Variants in PSMD11 observed in about 807,000 individuals in gnomAD.
PSMD11 encodes the protein 26S proteasome non-ATPase regulatory subunit 11.
A neutral mutation model predicts 62.3 loss-of-function variants in PSMD11; 5 were observed. The observed-to-expected ratio is 0.08, with a 90% CI of 0.04 to 0.17. The LOEUF is 0.17. Ranked by LOEUF, PSMD11 falls within the 10% of genes least tolerant of loss-of-function variation. The pLI is 1.00. For missense variants in PSMD11, 310 were observed against 512.9 expected, an observed-to-expected ratio of 0.60 and a Z score of 3.82; for synonymous variants, 191 against 191.8, an observed-to-expected ratio of 1.00 and a Z score of 0.03.
chr17:32,456,589 GCA>G (rs1341466037), intron 3 of PSMD11, among the ~76,000 whole-genome samples: 10 of 152,232 alleles, frequency 6.6e-5, no homozygotes, highest in African/African-American at 2.4e-4. Context: ...GAGTGCAGTG[GCA>G]CGATCTCGGC....
chr17:32,463,252 A>G (rs1294207202), intron 3 of PSMD11: 1 of 152,150 alleles, frequency 6.6e-6, no homozygotes, highest in Non-Finnish European at 1.5e-5. Context: ...TTTGCACCTT[A>G]CCTCACTACT....
chr17:32,457,250 C>T (rs1907679136), intron 3 of PSMD11, among the ~76,000 whole-genome samples: 1 of 151,966 alleles, frequency 6.6e-6, no homozygotes, highest in South Asian at 2.1e-4. Context: ...TTTTTGTTTT[C>T]GTTTTTTGAG....
chr17:32,464,892 C>T (rs2150834850), intron 5 of PSMD11, among the ~76,000 whole-genome samples: 1 of 152,080 alleles, frequency 6.6e-6, no homozygotes, highest in Non-Finnish European at 1.5e-5. Flanking sequence ...ATATAGTACT[C>T]TGTTAAATTT....
In PSMD11 at chr17:32,454,483, C is replaced by A. The variant is rs566005068; in HGVS notation, c.194-12C>A. On this transcript the variant is annotated splice_polypyrimidine_tract_variant and intron_variant, in intron 2 of 13. Coordinates refer to ENST00000261712, the MANE Select transcript of PSMD11 (RefSeq NM_002815.4). Reference sequence around the variant, plus strand: ...GATGTTTACTCCTCTTTTTGAATTGCCTTTCCTACAGAGCTTGGAGGACTC... The same window carrying A: ...GATGTTTACTCCTCTTTTTGAATTGACTTTCCTACAGAGCTTGGAGGACTC... 6.2e-7 allele frequency: 1 copy of A among 1,608,414 alleles called. No homozygotes were observed. Among genetic ancestry groups the A allele is most frequent in the East Asian group, 2.2e-5 (1 of 44,806 alleles).
intron 1 of PSMD11, chr17:32,444,918 C>T: frequency 2.1e-6 from 1 of 467,284 alleles, no homozygotes; most frequent in Admixed American, 4.2e-5. Context: ...ATGTCCCCGG[C>T]TCTGGCCCGC....
At chr17:32,463,962 G>C in intron 3 of PSMD11, 87 bp from the exon 4 acceptor site, 9 of 1,179,658 alleles carry the variant, frequency 7.6e-6, no homozygotes, top group Non-Finnish European at 1.1e-5. Flanking sequence ...AATATGTAAG[G>C]AGGGAATTTA....
In PSMD11 at chr17:32,447,052, T is replaced by A; in HGVS notation, c.193+6T>A. 1 of 1,582,900 alleles carries A rather than the reference T, an allele frequency of 6.3e-7. No homozygotes were observed. Among genetic ancestry groups the A allele is most frequent in the Non-Finnish European group, 8.7e-7 (1 of 1,154,590 alleles). ...AAAGACTGGACAAGCTGCAGGTAAG[T>A]GCTACACATGGATTGTATCTGAAAT... On this transcript the variant is annotated splice_donor_region_variant and intron_variant, in intron 2 of 13. Transcript: ENST00000261712.
chr17:32,456,165 AT>A (rs1328037124), intron 3 of PSMD11, among the ~76,000 whole-genome samples: 10 of 151,418 alleles, frequency 6.6e-5, no homozygotes, highest in Non-Finnish European at 1.0e-4. Flanking sequence ...AAAAAAAAAA[AT>A]CATGAAAGTG....
chr17:32,464,878 TTGCATATAGTACTC>T (rs1361414180), intron 5 of PSMD11, among the ~76,000 whole-genome samples: 33 of 152,204 alleles, frequency 2.2e-4, no homozygotes, highest in Admixed American at 2.2e-3. Flanking sequence ...TATCTATATT[TTGCATATAGTACTC>T]TGTTAAATTT....
Position 32,483,246 on chromosome 17 carries a change from T to C in PSMD11, c.*2494T>C, listed in dbSNP as rs1185764359. ...AACAAAAGAAAAGGAGTGTAAAATATGTCAATAACTTTTTTATATATGTGT... is the reference window on the plus strand; with the variant it reads ...AACAAAAGAAAAGGAGTGTAAAATACGTCAATAACTTTTTTATATATGTGT... On this transcript the variant is annotated 3_prime_UTR_variant, in exon 14 of 14. Coordinates refer to ENST00000261712, the MANE Select transcript of PSMD11 (RefSeq NM_002815.4). The C allele has an allele frequency of 2.6e-5, 4 of 152,250 alleles. No individual in the cohort carries two copies. Among genetic ancestry groups the C allele is most frequent in the Admixed American group, 2.6e-4 (4 of 15,292 alleles). The allele number at this position is 152,250 out of a possible 1,614,324, so 9.4% of individuals were successfully genotyped here.
chr17:32,466,960 C>G (rs1487052272), intron 5 of PSMD11, among the ~76,000 whole-genome samples: 1 of 151,828 alleles, frequency 6.6e-6, no homozygotes, highest in Non-Finnish European at 1.5e-5. Flanking sequence ...TTTGTTTTTT[C>G]TTTTGAGACA....
At chr17:32,450,201 T>A (rs1907448479) in intron 2 of PSMD11, among the ~76,000 whole-genome samples, 1 of 151,726 alleles carries the variant, frequency 6.6e-6, no homozygotes, top group African/African-American at 2.4e-5. Flanking sequence ...CCTCAAATGA[T>A]CCACCCACCT....
intron 8 of PSMD11, among the ~76,000 whole-genome samples, chr17:32,475,212 CT>C (rs949513103): frequency 1.4e-4 from 21 of 152,072 alleles, no homozygotes; most frequent in African/African-American, 4.8e-4. Context: ...TGCATATGTG[CT>C]TTAGAGAGGT....
chr17:32,445,540 T>G (rs555559405), intron 1 of PSMD11: 1 of 152,252 alleles, frequency 6.6e-6, no homozygotes, highest in Non-Finnish European at 1.5e-5. Context: ...GGGATTCAAG[T>G]GTGAACAGAA....
chr17:32,445,156 C>T (rs1313890933), intron 1 of PSMD11: 1 of 159,246 alleles, frequency 6.3e-6, no homozygotes, highest in South Asian at 1.7e-4. Flanking sequence ...CGGCAGAAAG[C>T]TCCACTAAGA....
chr17:32,449,755 T>G (rs1306996220), intron 2 of PSMD11, among the ~76,000 whole-genome samples: 1 of 152,246 alleles, frequency 6.6e-6, no homozygotes, highest in Non-Finnish European at 1.5e-5. Flanking sequence ...TACATATATT[T>G]AGCTGTCTTT....
At chr17:32,448,081 G>C (rs553046091) in intron 2 of PSMD11, among the ~76,000 whole-genome samples, 1 of 151,930 alleles carries the variant, frequency 6.6e-6, no homozygotes, top group African/African-American at 2.4e-5. Flanking sequence ...AGGTTTCACT[G>C]TGTTGATCAG....
intron 3 of PSMD11, among the ~76,000 whole-genome samples, chr17:32,457,486 C>T (rs1324292181): frequency 6.6e-6 from 1 of 152,146 alleles, no homozygotes; most frequent in Admixed American, 6.5e-5. Context: ...ATCTGCCTGC[C>T]TTGCCCTTCC....
Position 32,479,280 on chromosome 17 carries a change from G to C in PSMD11, c.942G>C (p.Arg314=). 6.2e-7 allele frequency: 1 copy of C among 1,614,128 alleles called. No homozygotes were observed. Among genetic ancestry groups the C allele is most frequent in the Non-Finnish European group, 8.5e-7 (1 of 1,179,996 alleles). ...KALTDYRAEL[R]DDPIISTHLA... ...TGACAGATTACCGGGCAGAGCTCCG[G>C]GATGACCCAATCATCAGCACACACT... Residue 314 remains arginine (R), a synonymous_variant, in exon 10 of 14, where the codon CGG becomes CGC. Transcript: ENST00000261712.
Sources: allele counts gnomAD v4.1 joint callset (sites outside exome capture counted in the v4.1 genomes callset), GRCh38; gene constraint gnomAD v4.1.1; transcripts MANE v1.5; gene names NCBI Gene and HGNC (gene_info 2026-07-23, HGNC 2026-07-21).